SCAI: variants seen among roughly 807,000 people sequenced by gnomAD.
SCAI encodes the protein suppressor of cancer cell invasion, also known as protein SCAI.
Under a neutral mutation model 92.2 loss-of-function variants are expected in SCAI, and 24 were observed. That is an observed-to-expected ratio of 0.26 (90% CI 0.19 to 0.37). SCAI has a LOEUF of 0.37. Ranked by LOEUF, SCAI falls within the 10% of genes least tolerant of loss-of-function variation. SCAI has a pLI of 1.00. For synonymous variants in SCAI, 261 were observed against 258.6 expected (o/e 1.01, Z -0.09); for missense variants, 450 against 736.2 (o/e 0.61, Z 4.50).
Position 124,952,624 on chromosome 9 carries a change from A to C in SCAI, c.*183T>G. Reference sequence around the variant, plus strand: ...AGGTTAAGATTTTAAAAGACCTGAAAGGTTGCATTTTAAAACAGTTACCCT... The same window carrying C: ...AGGTTAAGATTTTAAAAGACCTGAACGGTTGCATTTTAAAACAGTTACCCT... On this transcript the variant is annotated 3_prime_UTR_variant, in exon 18 of 18. Transcript: ENST00000336505. 2.0e-6 allele frequency: 1 copy of C among 496,760 alleles called. No homozygotes were observed. The highest frequency in any genetic ancestry group is 3.5e-6 in the Non-Finnish European group (1 of 288,388). 30.8% of individuals were successfully genotyped at this position (496,760 alleles called of 1,614,324 possible). A position where few individuals can be genotyped will look rare whatever the true frequency, so the allele number is the denominator to read the frequency against.
intron 6 of SCAI, among the ~76,000 whole-genome samples, chr9:125,023,107 T>G (rs968346543): frequency 2.6e-5 from 4 of 152,370 alleles, no homozygotes; most frequent in Non-Finnish European, 1.5e-5. Context: ...ATTTTAATAA[T>G]GTCAATCAGC....
rs1230226015 is a variant in SCAI, at chr9:125,091,113, T to A, written c.99-35106A>T. ...GCCTGGGTGACAAAGCGAGACTCTG[T>A]CTCAAAAAAAAGAAAGGACAGGTTC... On this transcript the variant is annotated intron_variant, in intron 2 of 17. Coordinates refer to ENST00000336505, the MANE Select transcript of SCAI (RefSeq NM_001144877.3). The surrounding 1 kb of genome is among the most constrained non-coding windows in gnomAD (Gnocchi z 4.3). Among the ~76,000 whole-genome samples, 4 of 151,912 alleles carry A rather than the reference T, an allele frequency of 2.6e-5. No homozygotes were observed. Among genetic ancestry groups the A allele is most frequent in the Non-Finnish European group, 5.9e-5 (4 of 67,980 alleles).
intron 17 of SCAI, among the ~76,000 whole-genome samples, chr9:124,955,725 A>G: frequency 6.6e-6 from 1 of 152,090 alleles, no homozygotes; most frequent in African/African-American, 2.4e-5. Context: ...AAGACAGAAA[A>G]AGAAAGAAAA....
chr9:124,987,931 A>G (rs1418700260), intron 14 of SCAI, among the ~76,000 whole-genome samples: 1 of 151,642 alleles, frequency 6.6e-6, no homozygotes, highest in Non-Finnish European at 1.5e-5. Context: ...CCACTGCACT[A>G]GAGCCTGGGT....
Position 125,044,056 on chromosome 9 carries a change from C to G in SCAI, c.230+11820G>C, listed in dbSNP as rs892373819. 6.6e-5 allele frequency among the ~76,000 whole-genome samples: 10 copies of G among 152,280 alleles called. No individual in the cohort carries two copies. The East Asian group carries it at 1.9e-3, about 29-fold the overall frequency. ...CCCTGGCCTCTCCCAGCTCCTGGCA[C>G]CCACTCTGGGGTGGAGCAAAGTTGT... On this transcript the variant is annotated intron_variant, in intron 3 of 17. Coordinates refer to ENST00000336505, the MANE Select transcript of SCAI (RefSeq NM_001144877.3).
chr9:124,944,106 G>A lies in SCAI; in HGVS notation c.*8701C>T, dbSNP rs1022202268. ...GTTTCTCTGATTGTTGAACAGCAAGGTTTATTAAAAATAAGCAAAAAAGTT... is the reference window on the plus strand; with the variant it reads ...GTTTCTCTGATTGTTGAACAGCAAGATTTATTAAAAATAAGCAAAAAAGTT... On this transcript the variant is annotated 3_prime_UTR_variant, in exon 18 of 18. Coordinates refer to ENST00000336505, the MANE Select transcript of SCAI (RefSeq NM_001144877.3). 6.6e-6 allele frequency: 1 copy of A among 152,098 alleles called. No individual in the cohort carries two copies. The highest frequency in any genetic ancestry group is 2.4e-5 in the African/African-American group (1 of 41,416). 9.4% of individuals were successfully genotyped at this position (152,098 alleles called of 1,614,324 possible).
chr9:124,968,144 T>A, intron 17 of SCAI: 1 of 528,340 alleles, frequency 1.9e-6, no homozygotes, highest in Non-Finnish European at 3.3e-6. Context: ...GTGGGCAAGG[T>A]AGGAGGCAAC....
chr9:124,982,794 G>C (rs1831913877), intron 14 of SCAI, among the ~76,000 whole-genome samples: 1 of 152,088 alleles, frequency 6.6e-6, no homozygotes, highest in Non-Finnish European at 1.5e-5. Context: ...CAGTGATGGG[G>C]CTGTTCTGAT....
chr9:125,112,857 C>A (rs1229015937), intron 2 of SCAI, among the ~76,000 whole-genome samples: 1 of 152,152 alleles, frequency 6.6e-6, no homozygotes, highest in Non-Finnish European at 1.5e-5. Context: ...GCCATCATGA[C>A]AATGGTATGT....
At chr9:124,972,759 T>C (rs1831684441) in intron 15 of SCAI, among the ~76,000 whole-genome samples, 1 of 152,208 alleles carries the variant, frequency 6.6e-6, no homozygotes, top group Non-Finnish European at 1.5e-5. Flanking sequence ...TGGAAGTCTA[T>C]TCCTGCCTTC....
chr9:125,116,547 ATTT>A (rs2131241588), intron 2 of SCAI, among the ~76,000 whole-genome samples: 1 of 152,264 alleles, frequency 6.6e-6, no homozygotes, highest in Admixed American at 6.5e-5. Context: ...AGATGTTTAA[ATTT>A]TTTATTACAA....
intron 9 of SCAI, among the ~76,000 whole-genome samples, chr9:125,015,365 G>A (rs1468675496): frequency 2.0e-5 from 3 of 151,858 alleles, no homozygotes; most frequent in Admixed American, 6.6e-5. Context: ...ATCAAAAAGC[G>A]GGTGAAGGAC....
At chr9:125,054,251 G>A (rs1213354955) in intron 3 of SCAI, among the ~76,000 whole-genome samples, 2 of 152,268 alleles carry the variant, frequency 1.3e-5, no homozygotes, top group East Asian at 3.9e-4. Context: ...CTGGGATTAT[G>A]GGCGTGAGCC....
chr9:124,955,251 A>G (rs1187438047), intron 17 of SCAI, among the ~76,000 whole-genome samples: 1 of 151,954 alleles, frequency 6.6e-6, no homozygotes, highest in Admixed American at 6.6e-5. Context: ...TATAATATAT[A>G]TTAAAGTAAA....
chr9:125,107,496 T>C (rs1328461901), intron 2 of SCAI, among the ~76,000 whole-genome samples: 1 of 152,036 alleles, frequency 6.6e-6, no homozygotes, highest in Non-Finnish European at 1.5e-5. Flanking sequence ...CCAGGCAAGA[T>C]AGCTCATGCT....
At chr9:125,011,405 A>G (rs1173486819) in intron 9 of SCAI, among the ~76,000 whole-genome samples, 2 of 152,256 alleles carry the variant, frequency 1.3e-5, no homozygotes, top group East Asian at 1.9e-4. Flanking sequence ...TCAGGAGCCA[A>G]TGCGATCAAC....
chr9:125,063,025 A>AG (rs1454245005), intron 2 of SCAI, among the ~76,000 whole-genome samples: 1 of 151,394 alleles, frequency 6.6e-6, no homozygotes, highest in Non-Finnish European at 1.5e-5. Context: ...TCTCAAAAAA[A>AG]AAAAAAAAAA....
intron 13 of SCAI, among the ~76,000 whole-genome samples, chr9:124,998,802 G>A (rs115155764): frequency 0.01 from 1,587 of 151,960 alleles, 29 homozygotes; most frequent in African/African-American, 0.037. Flanking sequence ...TTGTATTTTG[G>A]TAGAGACAGG....
chr9:125,004,936 G>A (rs541227435), intron 9 of SCAI, among the ~76,000 whole-genome samples: 168 of 150,058 alleles, frequency 1.1e-3, no homozygotes, highest in African/African-American at 4.0e-3. Flanking sequence ...TTATGGGCAT[G>A]CGCCACCACA....
Sources: gnomAD v4.1 joint callset for allele counts (sites outside exome capture counted in the v4.1 genomes callset) on GRCh38, gnomAD v4.1.1 for gene constraint, Gnocchi (gnomAD v3.1) non-coding constraint, MANE v1.5 for transcripts, NCBI Gene and HGNC (gene_info 2026-07-23, HGNC 2026-07-21) for gene names.